Variants in NEDD4L observed in about 807,000 individuals in gnomAD.
NEDD4L encodes the protein E3 ubiquitin-protein ligase NEDD4-like.
In NEDD4L, 54 loss-of-function variants were observed where a neutral mutation model predicts 148.9. The ratio of observed to expected loss-of-function variants is 0.36; its 90% CI spans 0.29 to 0.45. The LOEUF is 0.45. NEDD4L is among the 20% of genes least tolerant of loss of function. The probability of loss-of-function intolerance (pLI) is 1.00; values close to 1 mark genes in which losing one functional copy is unlikely to be tolerated. For missense variants in NEDD4L, 856 were observed against 1,233.8 expected, an observed-to-expected ratio of 0.69 and a Z score of 4.59; for synonymous variants, 433 against 440.7, an observed-to-expected ratio of 0.98 and a Z score of 0.22.
At chr18:58,177,434 G>A (rs2038302308) in intron 2 of NEDD4L, among the ~76,000 whole-genome samples, 1 of 152,164 alleles carries the variant, frequency 6.6e-6, no homozygotes, top group Admixed American at 6.5e-5. Flanking sequence ...ACAGCCAGAA[G>A]GTGCTGTGTA....
At chr18:58,184,656 T>A (rs542202382) in intron 2 of NEDD4L, among the ~76,000 whole-genome samples, 3 of 152,098 alleles carry the variant, frequency 2.0e-5, no homozygotes, top group Admixed American at 6.5e-5. Context: ...TGTCTGGGCG[T>A]GGTGGCTCAC....
rs189511948 is a variant in NEDD4L at position 58,364,350 on chromosome 18, T to C, written c.1833+17T>C. On this transcript the variant is annotated intron_variant, in intron 20 of 30. Coordinates refer to ENST00000400345, the MANE Select transcript of NEDD4L (RefSeq NM_001144967.3). Reference sequence around the variant, plus strand: ...AAGAAACCTGTGAGTAATCATGCCTTCCAAAAATGCTTTGTGTTAGTCATT... The same window carrying C: ...AAGAAACCTGTGAGTAATCATGCCTCCCAAAAATGCTTTGTGTTAGTCATT... The C allele has an allele frequency of 6.3e-5, 96 of 1,513,050 alleles. No individual in the cohort carries two copies. In the African/African-American group the frequency reaches 1.1e-3, roughly 17 times the overall value. The allele number at this position is 1,513,050 out of a possible 1,614,324, so 93.7% of individuals were successfully genotyped here. A position where few individuals can be genotyped will look rare whatever the true frequency, so the allele number is the denominator to read the frequency against.
At chr18:58,100,854 T>C (rs2084707562) in intron 1 of NEDD4L, among the ~76,000 whole-genome samples, 1 of 152,238 alleles carries the variant, frequency 6.6e-6, no homozygotes, top group African/African-American at 2.4e-5. Context: ...CCATCCAGGC[T>C]GGAGTGCAGT....
intron 5 of NEDD4L, among the ~76,000 whole-genome samples, chr18:58,293,522 A>G (rs2055079684): frequency 6.6e-6 from 1 of 152,256 alleles, no homozygotes; most frequent in Admixed American, 6.5e-5. Context: ...TGTACAAGAA[A>G]GCTCTTGCTT....
At chr18:58,129,221 C>T (rs992334593) in intron 1 of NEDD4L, among the ~76,000 whole-genome samples, 36 of 152,332 alleles carry the variant, frequency 2.4e-4, no homozygotes, top group African/African-American at 8.4e-4. Flanking sequence ...CCGTGCCTAC[C>T]CTTGGCTGCT....
At chr18:58,236,762 G>A (rs182367197) in intron 2 of NEDD4L, among the ~76,000 whole-genome samples, 12 of 152,290 alleles carry the variant, frequency 7.9e-5, no homozygotes, top group Admixed American at 3.3e-4. Context: ...TGCGGCTCAC[G>A]CCTGTAATCC....
intron 1 of NEDD4L, among the ~76,000 whole-genome samples, chr18:58,096,277 A>AT (rs2084385800): frequency 6.6e-6 from 1 of 151,958 alleles, no homozygotes; most frequent in Non-Finnish European, 1.5e-5. Context: ...GGGTAGTTTG[A>AT]TAAAAGGCAT....
intron 1 of NEDD4L, among the ~76,000 whole-genome samples, chr18:58,079,448 CTCACTT>C (rs1455077027): frequency 6.6e-6 from 1 of 152,192 alleles, no homozygotes; most frequent in Non-Finnish European, 1.5e-5. Context: ...CTTAAAAACT[CTCACTT>C]TCAACTTTCA....
At chr18:58,386,889 G>A (rs1159522851) in intron 26 of NEDD4L, among the ~76,000 whole-genome samples, 2 of 152,138 alleles carry the variant, frequency 1.3e-5, no homozygotes, top group African/African-American at 4.8e-5. Context: ...AGATTCCTGG[G>A]CCCCACCGCA....
chr18:58,119,690 T>A (rs900869096), intron 1 of NEDD4L, among the ~76,000 whole-genome samples: 1 of 152,250 alleles, frequency 6.6e-6, no homozygotes, highest in Admixed American at 6.5e-5. Context: ...CCTGTGTAAC[T>A]GTCCAGTTCG....
chr18:58,117,772 G>C (rs563315844), intron 1 of NEDD4L, among the ~76,000 whole-genome samples: 7 of 152,246 alleles, frequency 4.6e-5, no homozygotes, highest in African/African-American at 1.4e-4. Context: ...TCGCTTATCA[G>C]CCTGGACTCC....
chr18:58,384,733 C>T (rs938918282), intron 25 of NEDD4L, among the ~76,000 whole-genome samples: 2 of 152,198 alleles, frequency 1.3e-5, no homozygotes, highest in African/African-American at 4.8e-5. Flanking sequence ...TTCATTGTAG[C>T]CCAGGAGGTG....
At chr18:58,385,390 A>G (rs2048876437) in intron 25 of NEDD4L, 136 bp from the exon 26 acceptor site, 2 of 756,404 alleles carry the variant, frequency 2.6e-6, no homozygotes, top group East Asian at 2.5e-5. Flanking sequence ...AATAAACTAA[A>G]CAGTGGGGGC....
intron 1 of NEDD4L, among the ~76,000 whole-genome samples, chr18:58,094,739 A>G (rs1369390492): frequency 6.6e-6 from 1 of 152,166 alleles, no homozygotes. Flanking sequence ...ACTGCAAGGC[A>G]TGGCATGGAG....
At chr18:58,270,238 G>A (rs2050839044) in intron 5 of NEDD4L, among the ~76,000 whole-genome samples, 1 of 152,216 alleles carries the variant, frequency 6.6e-6, no homozygotes. Context: ...TGGGTAATAG[G>A]TGGTTTCTCT....
intron 30 of NEDD4L, among the ~76,000 whole-genome samples, chr18:58,393,751 A>G (rs770300379): frequency 4.6e-5 from 7 of 152,222 alleles, no homozygotes; most frequent in Non-Finnish European, 8.8e-5. Context: ...TGCCATACAT[A>G]GGTTTAATTT....
intron 2 of NEDD4L, among the ~76,000 whole-genome samples, chr18:58,226,308 C>A (rs892268545): frequency 1.3e-5 from 2 of 152,144 alleles, no homozygotes; most frequent in Non-Finnish European, 2.9e-5. Context: ...TGAGGCTGCA[C>A]CATTGAAGGC....
chr18:58,395,111 C>T (rs778317882), intron 30 of NEDD4L, among the ~76,000 whole-genome samples: 3 of 152,172 alleles, frequency 2.0e-5, no homozygotes, highest in Non-Finnish European at 2.9e-5. Flanking sequence ...GGGTTCATAA[C>T]ATTGAGACAA....
intron 5 of NEDD4L, among the ~76,000 whole-genome samples, chr18:58,257,237 C>G (rs943500537): frequency 2.0e-5 from 3 of 152,110 alleles, no homozygotes; most frequent in African/African-American, 7.2e-5. Context: ...AGTTTCGTCT[C>G]TTAATAGTTA....
Sources: gnomAD v4.1 joint callset for allele counts (sites outside exome capture counted in the v4.1 genomes callset) on GRCh38, gnomAD v4.1.1 for gene constraint, MANE v1.5 for transcripts, NCBI Gene and HGNC (gene_info 2026-07-23, HGNC 2026-07-21) for gene names.